CPSF6: variants seen among roughly 807,000 people sequenced by gnomAD.
The protein encoded by CPSF6 is cleavage and polyadenylation specific factor 6, also known as cleavage and polyadenylation specificity factor subunit 6.
CPSF6 carries 10 observed loss-of-function variants against 56.7 expected under a neutral mutation model. The observed-to-expected ratio is 0.18, with a 90% CI of 0.11 to 0.30. The LOEUF (loss-of-function observed/expected upper bound fraction) is 0.30, where lower values mean the gene tolerates loss of function less well. Among genes scored for constraint, CPSF6 ranks in the 10% least tolerant of loss-of-function variants. CPSF6 has a pLI of 1.00. For missense variants in CPSF6, 419 were observed against 722.9 expected, an observed-to-expected ratio of 0.58 and a Z score of 4.82; for synonymous variants, 248 against 244.8, an observed-to-expected ratio of 1.01 and a Z score of -0.12.
In CPSF6 at chr12:69,271,296, T is replaced by C. The variant is rs188823489; in HGVS notation, c.*1788T>C. ...AAATTTTCCTGTTTTCTGTATATTG[T>C]TGTGTCATTTCTTGGCTTTTTAATA... On this transcript the variant is annotated 3_prime_UTR_variant, in exon 10 of 10. Coordinates refer to ENST00000435070, the MANE Select transcript of CPSF6 (RefSeq NM_007007.3). 193 of 152,258 alleles carry C rather than the reference T, an allele frequency of 1.3e-3. 1 individual carries two copies. The highest frequency in any genetic ancestry group is 4.0e-3 in the African/African-American group (166 of 41,534). 9.4% of individuals were successfully genotyped at this position (152,258 alleles called of 1,614,324 possible). A position where few individuals can be genotyped will look rare whatever the true frequency, so the allele number is the denominator to read the frequency against.
chr12:69,256,642 GTAA>G (rs1253581516), intron 3 of CPSF6, 52 bp from the exon 4 acceptor site: 8 of 1,517,270 alleles, frequency 5.3e-6, no homozygotes, highest in Non-Finnish European at 7.1e-6. Context: ...AAGAATAACA[GTAA>G]TAATATTGAT....
At position 69,273,275 on chromosome 12, in the gene CPSF6, C is replaced by CT. The variant is rs1565654498; in HGVS notation, c.*3774dup. On this transcript the variant is annotated 3_prime_UTR_variant, in exon 10 of 10. Transcript: ENST00000435070. Reference sequence around the variant, plus strand: ...ATTTAGGTTTGTCTTAACCAATGTTCTTTTTTTAGAATTTCAGGTTGTGGC... The same window carrying CT: ...ATTTAGGTTTGTCTTAACCAATGTTCTTTTTTTTAGAATTTCAGGTTGTGGC... 6 of 396,120 alleles carry CT rather than the reference C, an allele frequency of 1.5e-5. No homozygotes were observed. The highest frequency in any genetic ancestry group is 3.7e-4 in the Middle Eastern group (1 of 2,668). The allele number at this position is 396,120 out of a possible 1,614,324, so 24.5% of individuals were successfully genotyped here.
chr12:69,245,029 C>T lies in CPSF6; in HGVS notation c.60+5323C>T, dbSNP rs187578900. Among the ~76,000 whole-genome samples the T allele has an allele frequency of 8.0e-5, 12 of 149,598 alleles. No individual in the cohort carries two copies. In the East Asian group the frequency reaches 2.0e-3, roughly 25 times the overall value. Reference sequence around the variant, plus strand: ...ATCCCAGTGCTTTGAGAGCCTGAGGCGGCAGATTGCTTGAGGCCAGGAGTT... The same window carrying T: ...ATCCCAGTGCTTTGAGAGCCTGAGGTGGCAGATTGCTTGAGGCCAGGAGTT... On this transcript the variant is annotated intron_variant, in intron 1 of 9. Transcript: ENST00000435070.
intron 1 of CPSF6, among the ~76,000 whole-genome samples, chr12:69,243,813 C>A (rs1871748838): frequency 6.6e-6 from 1 of 152,158 alleles, no homozygotes; most frequent in Admixed American, 6.5e-5. Flanking sequence ...AAACTTTTTT[C>A]TTCAATAATA....
rs1351292388 is a variant in CPSF6 at position 69,258,887 on chromosome 12, T to G, written c.992T>G (p.Leu331Arg). The G allele has an allele frequency of 3.1e-6, 5 of 1,613,956 alleles. No homozygotes were observed. Among genetic ancestry groups the G allele is most frequent in the Non-Finnish European group, 4.2e-6 (5 of 1,180,018 alleles). ...GPFPPRPPGPLGPPLTLAPPP... is the reference protein window; with the variant it reads ...GPFPPRPPGPRGPPLTLAPPP... ...TTTCCACCTCGTCCACCCGGTCCAC[T>G]TGGGCCACCCCTTACACTAGCTCCT... The change falls in exon 6 of 10, where the codon CTT becomes CGT. Residue 331 changes from leucine (L) to arginine (R), a missense_variant. By Grantham distance (102) the Leu-to-Arg change is moderately radical (BLOSUM62 -2). This residue lies in a region of CPSF6 where 211 missense variants were observed against 296.0 expected (regional missense o/e 0.71). Transcript: ENST00000435070. The surrounding 1 kb of genome is among the most constrained non-coding windows in gnomAD (Gnocchi z 4.2).
In CPSF6 at chr12:69,259,085, C is replaced by A; in HGVS notation, c.1190C>A (p.Pro397His). ...PPPYDRGDYGPPGREMDTART... is the reference protein window; with the variant it reads ...PPPYDRGDYGHPGREMDTART... ...CCATATGATAGGGGTGACTATGGCC[C>A]CCCTGGAAGGTAAGTTAGTGTGTAT... Residue 397 changes from proline (P) to histidine (H), a missense_variant, in exon 6 of 10, where the codon CCC becomes CAC. Around this residue, in one of 4 missense-constraint regions of CPSF6, gnomAD observed 211 missense variants for 296.0 expected, o/e 0.71. Coordinates refer to ENST00000435070, the MANE Select transcript of CPSF6 (RefSeq NM_007007.3). 1 of 1,599,630 alleles carries A rather than the reference C, an allele frequency of 6.3e-7. No individual in the cohort carries two copies. The highest frequency in any genetic ancestry group is 1.1e-5 in the South Asian group (1 of 90,994).
intron 1 of CPSF6, among the ~76,000 whole-genome samples, chr12:69,245,995 G>C (rs1417699090): frequency 6.6e-6 from 1 of 152,200 alleles, no homozygotes; most frequent in Non-Finnish European, 1.5e-5. Context: ...GCTGAGGCAG[G>C]AGAATTGCTT....
intron 9 of CPSF6, among the ~76,000 whole-genome samples, chr12:69,263,096 A>T (rs1411613879): frequency 1.3e-5 from 2 of 150,062 alleles, no homozygotes; most frequent in South Asian, 2.1e-4. Flanking sequence ...TAAAAAAAAA[A>T]TTTTTTTTTT....
chr12:69,249,747 G>A (rs15859), intron 1 of CPSF6, among the ~76,000 whole-genome samples: 6,161 of 152,166 alleles, frequency 0.04, 411 homozygotes, highest in African/African-American at 0.14. Flanking sequence ...ATAGTGTTGA[G>A]TGTTCTGCTT....
At chr12:69,255,535 ATATTTATT>A (rs553394476) in intron 3 of CPSF6, among the ~76,000 whole-genome samples, 12 of 152,064 alleles carry the variant, frequency 7.9e-5, no homozygotes, top group Admixed American at 2.0e-4. Flanking sequence ...GTTTCTCCAC[ATATTTATT>A]TATTTATTTA....
chr12:69,260,427 C>G (rs1352907738), intron 8 of CPSF6, among the ~76,000 whole-genome samples: 1 of 151,894 alleles, frequency 6.6e-6, no homozygotes, highest in Non-Finnish European at 1.5e-5. Context: ...TGATAAAGCC[C>G]CTGCCTATCT....
At chr12:69,242,949 A>C (rs1245218685) in intron 1 of CPSF6, among the ~76,000 whole-genome samples, 3 of 152,062 alleles carry the variant, frequency 2.0e-5, no homozygotes, top group Non-Finnish European at 4.4e-5. Context: ...TCTCTATCAA[A>C]ATACAAAAAT....
Position 69,269,684 on chromosome 12 carries a change from A to T in CPSF6, c.*176A>T. On this transcript the variant is annotated 3_prime_UTR_variant, in exon 10 of 10. Transcript: ENST00000435070. Reference sequence around the variant, plus strand: ...TGCATAAATGGTAACCAGTAGCTCTACTTTTATTTTTTATGTTGCTTAACT... The same window carrying T: ...TGCATAAATGGTAACCAGTAGCTCTTCTTTTATTTTTTATGTTGCTTAACT... 4.5e-6 allele frequency: 1 copy of T among 221,734 alleles called. No homozygotes were observed. Among genetic ancestry groups the T allele is most frequent in the South Asian group, 5.0e-5 (1 of 20,062 alleles). 13.7% of individuals were successfully genotyped at this position (221,734 alleles called of 1,614,324 possible). A position where few individuals can be genotyped will look rare whatever the true frequency, so the allele number is the denominator to read the frequency against.
intron 1 of CPSF6, among the ~76,000 whole-genome samples, chr12:69,240,683 C>CCCCCCA (rs903234103): frequency 1.4e-5 from 2 of 141,316 alleles, no homozygotes; most frequent in Admixed American, 7.0e-5. Flanking sequence ...AGTGTTAAAT[C>CCCCCCA]CCCCCACCCC....
At chr12:69,260,947 G>A (rs1429479146) in intron 8 of CPSF6, among the ~76,000 whole-genome samples, 1 of 151,670 alleles carries the variant, frequency 6.6e-6, no homozygotes, top group African/African-American at 2.4e-5. Context: ...CCTACAGAGT[G>A]TGTGGTACAG....
At chr12:69,260,900 A>T (rs544736525) in intron 8 of CPSF6, among the ~76,000 whole-genome samples, 11 of 152,300 alleles carry the variant, frequency 7.2e-5, no homozygotes, top group African/African-American at 2.6e-4. Flanking sequence ...GGCATGAGCC[A>T]GTGTGCTCAG....
chr12:69,250,588 TA>T (rs2120493330), intron 1 of CPSF6, among the ~76,000 whole-genome samples: 1 of 61,804 alleles, frequency 1.6e-5, no homozygotes, highest in African/African-American at 8.8e-5. Flanking sequence ...ACCTGGTCTC[TA>T]CAAAAAAAAA....
intron 9 of CPSF6, among the ~76,000 whole-genome samples, chr12:69,264,721 A>G (rs1003207856): frequency 6.6e-6 from 1 of 152,170 alleles, no homozygotes; most frequent in African/African-American, 2.4e-5. Context: ...TACGTTTGCT[A>G]TATCAAACAG....
At chr12:69,259,350 A>G in intron 6 of CPSF6, 78 bp from the exon 7 acceptor site, 3 of 1,511,932 alleles carry the variant, frequency 2.0e-6, no homozygotes, top group Non-Finnish European at 2.7e-6. Flanking sequence ...AGCAGCTAGT[A>G]TGAATTGCTA....
Sources: allele counts gnomAD v4.1 joint callset (sites outside exome capture counted in the v4.1 genomes callset), GRCh38; gene constraint gnomAD v4.1.1; regional missense constraint gnomAD v4.1.1; non-coding constraint Gnocchi (gnomAD v3.1); transcripts MANE v1.5; gene names NCBI Gene and HGNC (gene_info 2026-07-23, HGNC 2026-07-21).